Variants in ROBO2 observed in about 807,000 individuals in gnomAD.
ROBO2 encodes the protein roundabout guidance receptor 2.
Under a neutral mutation model 160.8 loss-of-function variants are expected in ROBO2, and 53 were observed. The observed-to-expected ratio is 0.33, with a 90% CI of 0.26 to 0.41. ROBO2 has a LOEUF of 0.41. Ranked by LOEUF, ROBO2 falls within the 10% of genes least tolerant of loss-of-function variation. The pLI, the probability that ROBO2 is intolerant of heterozygous loss-of-function variation, is 1.00. For synonymous variants in ROBO2, 664 were observed against 611.7 expected, an observed-to-expected ratio of 1.09 and a Z score of -1.26; for missense variants, 1,577 against 1,722.4, an observed-to-expected ratio of 0.92 and a Z score of 1.49.
chr3:76,402,802 G>A (rs2077913287), intron 2 of ROBO2, among the ~76,000 whole-genome samples: 2 of 151,604 alleles, frequency 1.3e-5, no homozygotes. Context: ...TGATGCAGTT[G>A]TTTTCCATTT....
intron 2 of ROBO2, among the ~76,000 whole-genome samples, chr3:76,182,179 T>A (rs1391340929): frequency 6.6e-6 from 1 of 151,538 alleles, no homozygotes; most frequent in Non-Finnish European, 1.5e-5. Context: ...TCCTGTGAAC[T>A]CTCTGTAGTT....
At chr3:76,558,401 CATT>C (rs2083939939) in intron 2 of ROBO2, among the ~76,000 whole-genome samples, 1 of 151,920 alleles carries the variant, frequency 6.6e-6, no homozygotes, top group Non-Finnish European at 1.5e-5. Context: ...GAAAAAATGT[CATT>C]ATGAAGTTAT....
intron 19 of ROBO2, among the ~76,000 whole-genome samples, chr3:77,600,965 T>C (rs372840576): frequency 1.3e-5 from 2 of 152,172 alleles, no homozygotes; most frequent in East Asian, 1.9e-4. Flanking sequence ...TTTACTTCAA[T>C]ATCTTAAGTA....
chr3:75,992,481 T>C (rs1270179484), intron 2 of ROBO2, among the ~76,000 whole-genome samples: 1 of 152,156 alleles, frequency 6.6e-6, no homozygotes. Flanking sequence ...AACCTCCTTC[T>C]AGATTTCAGA....
intron 2 of ROBO2, among the ~76,000 whole-genome samples, chr3:75,957,978 G>T (rs1273342683): frequency 1.3e-5 from 2 of 151,596 alleles, no homozygotes; most frequent in Non-Finnish European, 3.0e-5. Flanking sequence ...AGGACTTCCT[G>T]TTAGAAATAT....
chr3:76,667,236 A>G (rs1323693351), intron 2 of ROBO2, among the ~76,000 whole-genome samples: 2 of 152,142 alleles, frequency 1.3e-5, no homozygotes, highest in East Asian at 3.8e-4. Context: ...GGTTATTGAT[A>G]GATAACTGTG....
chr3:77,215,804 G>T (rs1465549234), intron 2 of ROBO2, among the ~76,000 whole-genome samples: 3 of 152,172 alleles, frequency 2.0e-5, no homozygotes, highest in Non-Finnish European at 4.4e-5. Flanking sequence ...TAACAGTCAG[G>T]ACCCTCAGCT....
intron 2 of ROBO2, among the ~76,000 whole-genome samples, chr3:76,668,359 C>T (rs1027552949): frequency 1.3e-5 from 2 of 152,120 alleles, no homozygotes; most frequent in Admixed American, 6.6e-5. Context: ...CCTCCCACCT[C>T]AGCCTCCCAA....
intron 2 of ROBO2, among the ~76,000 whole-genome samples, chr3:76,688,701 G>C (rs2092735934): frequency 6.6e-6 from 1 of 151,742 alleles, no homozygotes; most frequent in Non-Finnish European, 1.5e-5. Flanking sequence ...AAATAAAGCT[G>C]TCATTATTTT....
chr3:76,175,343 C>G (rs1411312721), intron 2 of ROBO2, among the ~76,000 whole-genome samples: 1 of 151,922 alleles, frequency 6.6e-6, no homozygotes, highest in Non-Finnish European at 1.5e-5. Flanking sequence ...TACTCTCTTT[C>G]TATTTGAATA....
At chr3:76,777,049 A>C (rs2062317562) in intron 2 of ROBO2, among the ~76,000 whole-genome samples, 1 of 151,046 alleles carries the variant, frequency 6.6e-6, no homozygotes, top group Non-Finnish European at 1.5e-5. Context: ...TATAATCCTT[A>C]ATGTGAAATG....
chr3:76,323,497 A>G lies in ROBO2; in HGVS notation c.109+385895A>G, dbSNP rs570614732. Among the ~76,000 whole-genome samples the G allele has an allele frequency of 9.8e-5, 15 of 152,304 alleles. No homozygotes were observed. In the South Asian group the frequency reaches 2.5e-3, roughly 25 times the overall value. ...TCACATCTGGTTTAAAATAAAGACAAATGAGTCTATGATTAAGAGGTATTT... is the reference window on the plus strand; with the variant it reads ...TCACATCTGGTTTAAAATAAAGACAGATGAGTCTATGATTAAGAGGTATTT... On this transcript the variant is annotated intron_variant, in intron 2 of 26. Transcript: ENST00000487694.
intron 2 of ROBO2, among the ~76,000 whole-genome samples, chr3:75,998,826 A>G (rs894967302): frequency 1.3e-5 from 2 of 152,228 alleles, no homozygotes; most frequent in Non-Finnish European, 2.9e-5. Context: ...AAGGCAAGCA[A>G]TGAATTCTCT....
intron 2 of ROBO2, among the ~76,000 whole-genome samples, chr3:76,883,796 T>A (rs2073607159): frequency 6.6e-6 from 1 of 152,206 alleles, no homozygotes; most frequent in Non-Finnish European, 1.5e-5. Flanking sequence ...GTGCTGGAAC[T>A]TTTTGTTCAA....
At chr3:77,112,158 GCATT>G (rs1223704596) in intron 2 of ROBO2, among the ~76,000 whole-genome samples, 2 of 133,422 alleles carry the variant, frequency 1.5e-5, no homozygotes, top group African/African-American at 2.9e-5. Flanking sequence ...CGCCGCCGTC[GCATT>G]CCAGCCTGGG....
chr3:76,741,249 T>A (rs1695058794), intron 2 of ROBO2, among the ~76,000 whole-genome samples: 1 of 152,044 alleles, frequency 6.6e-6, no homozygotes. Flanking sequence ...AATTTCCAAT[T>A]TTTAAAAATA....
chr3:76,272,942 A>AT (rs1707632711), intron 2 of ROBO2, among the ~76,000 whole-genome samples: 1 of 27,082 alleles, frequency 3.7e-5, no homozygotes, highest in Non-Finnish European at 1.3e-4. Context: ...ATATAAATAT[A>AT]TAAAATATAT....
intron 2 of ROBO2, among the ~76,000 whole-genome samples, chr3:76,112,853 A>G (rs2070298560): frequency 6.6e-6 from 1 of 152,112 alleles, no homozygotes; most frequent in Admixed American, 6.6e-5. Flanking sequence ...TTTTTGATTT[A>G]GCAGGCAAAA....
intron 2 of ROBO2, among the ~76,000 whole-genome samples, chr3:77,292,700 A>T (rs919877124): frequency 1.0e-5 from 1 of 95,598 alleles, no homozygotes; most frequent in Non-Finnish European, 2.9e-5. Context: ...CTGAGGCTAG[A>T]TCACCCCAGA....
Sources: gnomAD v4.1 joint callset for allele counts (sites outside exome capture counted in the v4.1 genomes callset) on GRCh38, gnomAD v4.1.1 for gene constraint, MANE v1.5 for transcripts, NCBI Gene and HGNC (gene_info 2026-07-23, HGNC 2026-07-21) for gene names.